The following ST3GAL3 variants were observed in gnomAD, a reference collection of about 807,000 sequenced individuals.
ST3GAL3 encodes CMP-N-acetylneuraminate-beta-1,4-galactoside alpha-2,3-sialyltransferase.
In ST3GAL3, 21 loss-of-function variants were observed where a neutral mutation model predicts 50.1. The ratio of observed to expected loss-of-function variants is 0.42; its 90% confidence interval spans 0.30 to 0.60. The LOEUF is 0.60. ST3GAL3 is among the 20% of genes least tolerant of loss of function. The probability of loss-of-function intolerance (pLI) is 0.19; values close to 1 mark genes in which losing one functional copy is unlikely to be tolerated. For synonymous variants in ST3GAL3, 183 were observed against 190.0 expected, an observed-to-expected ratio of 0.96 and a Z score of 0.30; for missense variants, 353 against 489.4, an observed-to-expected ratio of 0.72 and a Z score of 2.63.
chr1:43,736,575 C>T, intron 2 of ST3GAL3, 195 bp downstream of exon 2: 1 of 899,300 alleles, frequency 1.1e-6, no homozygotes, highest in African/African-American at 1.6e-5. Context: ...TTAAAAACTG[C>T]ATGCCATGAC....
At position 43,858,428 on chromosome 1, in the gene ST3GAL3, G is replaced by A. The variant is rs531798832; in HGVS notation, c.302+20117G>A. On this transcript the variant is annotated intron_variant, in intron 5 of 11. Transcript: ENST00000347631. ...GGGATGCTTAGAAGCACAGTCCCTG[G>A]TGAGAGCAGGCAGGCTGGCTGCATT... 3.1e-5 allele frequency: 26 copies of A among 845,422 alleles called. No individual in the cohort carries two copies. The South Asian group carries it at 4.7e-4, about 15-fold the overall frequency. The allele number at this position is 845,422 out of a possible 1,614,324, so 52.4% of individuals were successfully genotyped here.
At chr1:43,862,025 TC>T (rs2070087584) in intron 5 of ST3GAL3, among the ~76,000 whole-genome samples, 1 of 143,844 alleles carries the variant, frequency 7.0e-6, no homozygotes. Flanking sequence ...CGAAAATCTG[TC>T]TTAAAAAAAA....
chr1:43,929,310 A>ATT (rs879289204), intron 11 of ST3GAL3, among the ~76,000 whole-genome samples: 1,081 of 76,640 alleles, frequency 0.014, 5 homozygotes, highest in East Asian at 0.019. Flanking sequence ...TTTAATTATT[A>ATT]TTTTTTTTTT....
At chr1:43,745,731 C>G (rs530059511) in intron 2 of ST3GAL3, among the ~76,000 whole-genome samples, 1 of 152,330 alleles carries the variant, frequency 6.6e-6, no homozygotes, top group African/African-American at 2.4e-5. Flanking sequence ...TGGGTTGAAG[C>G]AATTCTCATG....
chr1:43,908,167 C>T (rs928620778), intron 9 of ST3GAL3, among the ~76,000 whole-genome samples: 1 of 152,220 alleles, frequency 6.6e-6, no homozygotes, highest in Non-Finnish European at 1.5e-5. Flanking sequence ...CTTCCATATT[C>T]GACTCTTCAG....
Position 43,868,664 on chromosome 1 carries a change from C to T in ST3GAL3, c.303-25719C>T, listed in dbSNP as rs920977922. On this transcript the variant is annotated intron_variant, in intron 5 of 11. Coordinates refer to ENST00000347631, the MANE Select transcript of ST3GAL3 (RefSeq NM_006279.5). ...CTACATATCTCTTCTGGGATAAAAC[C>T]CTTCCCAGGGCTCTGGGTACAAGTT... 4.6e-5 allele frequency among the ~76,000 whole-genome samples: 7 copies of T among 152,130 alleles called. No homozygotes were observed. In the East Asian group the frequency reaches 1.3e-3, roughly 29 times the overall value.
chr1:43,825,153 A>G (rs2062621760), intron 4 of ST3GAL3, among the ~76,000 whole-genome samples: 1 of 152,244 alleles, frequency 6.6e-6, no homozygotes, highest in African/African-American at 2.4e-5. Flanking sequence ...GTCAAGAACC[A>G]TGAAGCAACC....
At chr1:43,906,714 TCTC>T (rs2079836770) in intron 9 of ST3GAL3, among the ~76,000 whole-genome samples, 1 of 152,134 alleles carries the variant, frequency 6.6e-6, no homozygotes. Flanking sequence ...TTCCTTTTGT[TCTC>T]CTCTTCCTTC....
chr1:43,923,512 G>A (rs1293264260), intron 11 of ST3GAL3, among the ~76,000 whole-genome samples: 3 of 152,134 alleles, frequency 2.0e-5, no homozygotes, highest in Admixed American at 6.6e-5. Context: ...ATCAAGGTGC[G>A]GGAAGATTCA....
chr1:43,859,786 C>G (rs1381028069), intron 5 of ST3GAL3, among the ~76,000 whole-genome samples: 1 of 152,204 alleles, frequency 6.6e-6, no homozygotes, highest in African/African-American at 2.4e-5. Flanking sequence ...TCTGTACCTG[C>G]TGTCTCCACT....
chr1:43,801,518 G>T (rs888582464), intron 3 of ST3GAL3: 2 of 375,568 alleles, frequency 5.3e-6, no homozygotes, highest in African/African-American at 2.1e-5. Flanking sequence ...GCACAGCCTG[G>T]TGCTCCCAAC....
chr1:43,897,963 G>A (rs1438003329), intron 6 of ST3GAL3, among the ~76,000 whole-genome samples: 1 of 152,158 alleles, frequency 6.6e-6, no homozygotes, highest in Non-Finnish European at 1.5e-5. Context: ...CAGAAAACCA[G>A]ATGAGCCTCC....
At chr1:43,798,157 C>A (rs1558342921) in intron 3 of ST3GAL3, among the ~76,000 whole-genome samples, 2 of 152,162 alleles carry the variant, frequency 1.3e-5, no homozygotes, top group Admixed American at 6.5e-5. Flanking sequence ...ACCCTCTCCC[C>A]CTTTCCTGTC....
At chr1:43,903,887 A>T (rs1363191961) in intron 9 of ST3GAL3, among the ~76,000 whole-genome samples, 1 of 152,212 alleles carries the variant, frequency 6.6e-6, no homozygotes. Context: ...GATACAGTGG[A>T]TGAGTAGTGC....
chr1:43,892,412 C>G (rs1462988013), intron 5 of ST3GAL3, among the ~76,000 whole-genome samples: 1 of 152,104 alleles, frequency 6.6e-6, no homozygotes, highest in Non-Finnish European at 1.5e-5. Flanking sequence ...CTCTGTATAG[C>G]AGGAGAAAGG....
At chr1:43,786,104 A>G (rs759829653) in intron 2 of ST3GAL3, among the ~76,000 whole-genome samples, 16 of 152,142 alleles carry the variant, frequency 1.1e-4, no homozygotes, top group Admixed American at 2.6e-4. Flanking sequence ...AGAGGGTTGC[A>G]TGAGTCTCCT....
At chr1:43,859,060 T>C (rs1424834132) in intron 5 of ST3GAL3, among the ~76,000 whole-genome samples, 1 of 152,194 alleles carries the variant, frequency 6.6e-6, no homozygotes, top group African/African-American at 2.4e-5. Context: ...AAATTGCACG[T>C]AGGTCCATAC....
chr1:43,737,966 CA>C lies in ST3GAL3; in HGVS notation c.118+1589del, dbSNP rs1679185549. ...TTATTATCCCCATTTTCCAGTTGAG[CA>C]AACTGAAACACTTTAATTTACCAAG... is the stretch of plus-strand genomic sequence containing the variant. On this transcript the variant is annotated intron_variant, in intron 2 of 11. Transcript: ENST00000347631. This position sits in a 1 kb window ranked among gnomAD's most constrained non-coding sequence, Gnocchi z 4.0. 6.6e-6 allele frequency: 1 copy of C among 152,198 alleles called. No individual in the cohort carries two copies. Among genetic ancestry groups the C allele is most frequent in the Non-Finnish European group, 1.5e-5 (1 of 68,036 alleles). The allele number at this position is 152,198 out of a possible 1,614,324, so 9.4% of individuals were successfully genotyped here.
chr1:43,792,241 G>A (rs1432690540), intron 3 of ST3GAL3, 92 bp downstream of exon 3: 2 of 1,517,154 alleles, frequency 1.3e-6, no homozygotes, highest in African/African-American at 1.4e-5. Context: ...TGCTGGGGAG[G>A]GCAGTGGAAT....
Sources: gnomAD v4.1 joint callset for allele counts (sites outside exome capture counted in the v4.1 genomes callset) on GRCh38, gnomAD v4.1.1 for gene constraint, Gnocchi (gnomAD v3.1) non-coding constraint, MANE v1.5 for transcripts, NCBI Gene and HGNC (gene_info 2026-07-23, HGNC 2026-07-21) for gene names.